OPCML: variants seen among roughly 807,000 people sequenced by gnomAD.
OPCML encodes the protein opioid binding protein/cell adhesion molecule like, also known as opioid-binding protein/cell adhesion molecule.
A neutral mutation model predicts 37.8 loss-of-function variants in OPCML; 13 were observed. The observed-to-expected ratio is 0.34, with a 90% CI of 0.22 to 0.55. OPCML has a LOEUF of 0.55. OPCML is among the 20% of genes least tolerant of loss of function. The pLI is 0.91. For synonymous variants in OPCML, 176 were observed against 168.8 expected (o/e 1.04, Z -0.33); for missense variants, 341 against 435.6 (o/e 0.78, Z 1.93).
intron 2 of OPCML, among the ~76,000 whole-genome samples, chr11:132,872,712 C>T (rs903334433): frequency 2.0e-5 from 3 of 152,138 alleles, no homozygotes; most frequent in Admixed American, 2.0e-4. Flanking sequence ...ATCTTAATTG[C>T]TTTTCTTCGG....
chr11:133,073,106 A>G (rs1265277617), intron 1 of OPCML, among the ~76,000 whole-genome samples: 1 of 152,142 alleles, frequency 6.6e-6, no homozygotes, highest in Non-Finnish European at 1.5e-5. Context: ...TACACCTCAG[A>G]ATTACCTGCC....
intron 1 of OPCML, among the ~76,000 whole-genome samples, chr11:133,504,438 A>G (rs1947984522): frequency 6.6e-6 from 1 of 152,192 alleles, no homozygotes; most frequent in Admixed American, 6.5e-5. Context: ...AAGCCAGAGA[A>G]AGAAGACTGC....
intron 1 of OPCML, among the ~76,000 whole-genome samples, chr11:133,266,218 C>T (rs977837177): frequency 6.6e-6 from 1 of 152,100 alleles, no homozygotes; most frequent in African/African-American, 2.4e-5. Flanking sequence ...GCTTCCAATG[C>T]TTCCCTCCTT....
chr11:132,815,885 G>A (rs1390943393), intron 2 of OPCML, among the ~76,000 whole-genome samples: 1 of 152,214 alleles, frequency 6.6e-6, no homozygotes, highest in Non-Finnish European at 1.5e-5. Context: ...AGAGAAATGT[G>A]TCTTGCTGCA....
intron 1 of OPCML, among the ~76,000 whole-genome samples, chr11:133,307,818 C>A (rs1051019894): frequency 7.2e-5 from 11 of 151,994 alleles, no homozygotes; most frequent in African/African-American, 7.2e-5. Flanking sequence ...GACAAGCAAC[C>A]AATCTTATTT....
chr11:133,488,422 T>C (rs925114911), intron 1 of OPCML, among the ~76,000 whole-genome samples: 2 of 152,114 alleles, frequency 1.3e-5, no homozygotes, highest in Admixed American at 6.6e-5. Flanking sequence ...AGTTTCAGGA[T>C]ACAAAATTAA....
At chr11:132,588,919 C>T (rs1286502707) in intron 3 of OPCML, among the ~76,000 whole-genome samples, 1 of 152,158 alleles carries the variant, frequency 6.6e-6, no homozygotes, top group Non-Finnish European at 1.5e-5. Flanking sequence ...CCAAGCAATG[C>T]AATCTAACAT....
intron 3 of OPCML, among the ~76,000 whole-genome samples, chr11:132,634,771 T>C (rs1252939319): frequency 6.6e-6 from 1 of 152,170 alleles, no homozygotes; most frequent in Non-Finnish European, 1.5e-5. Flanking sequence ...TGACCATAAG[T>C]TATCACTTAG....
intron 1 of OPCML, among the ~76,000 whole-genome samples, chr11:133,392,764 T>A (rs576549114): frequency 1.3e-5 from 2 of 152,360 alleles, no homozygotes; most frequent in African/African-American, 4.8e-5. Context: ...AGTCCATACA[T>A]TGCAAAATGT....
At chr11:133,494,750 T>G (rs1947745256) in intron 1 of OPCML, among the ~76,000 whole-genome samples, 2 of 132,990 alleles carry the variant, frequency 1.5e-5, no homozygotes, top group African/African-American at 3.4e-5. Context: ...AGGGATAGCA[T>G]TGGGAGATAT....
intron 2 of OPCML, among the ~76,000 whole-genome samples, chr11:132,672,533 G>A (rs1033101051): frequency 2.6e-5 from 4 of 152,250 alleles, no homozygotes; most frequent in Admixed American, 1.3e-4. Flanking sequence ...TGCTCTCTGT[G>A]TGTGGCTCCC....
chr11:133,116,234 T>C (rs1030980759), intron 1 of OPCML, among the ~76,000 whole-genome samples: 4 of 152,246 alleles, frequency 2.6e-5, no homozygotes, highest in Non-Finnish European at 4.4e-5. Context: ...CCCAAAGTGC[T>C]GAGATTACAG....
In OPCML at chr11:132,539,383, G is replaced by C. The variant is rs2096349664; in HGVS notation, c.380-10197C>G. Reference sequence around the variant, plus strand: ...AGTGACTGTGGATGAAGTGAAAATAGTGAATCTCAGGAACTAAGGCTGAAA... The same window carrying C: ...AGTGACTGTGGATGAAGTGAAAATACTGAATCTCAGGAACTAAGGCTGAAA... On this transcript the variant is annotated intron_variant, in intron 3 of 7. Transcript: ENST00000524381. Among the ~76,000 whole-genome samples, 3 of 152,330 alleles carry C rather than the reference G, an allele frequency of 2.0e-5. No homozygotes were observed. In the South Asian group the frequency reaches 6.2e-4, roughly 32 times the overall value.
At chr11:133,323,768 G>A (rs548877720) in intron 1 of OPCML, among the ~76,000 whole-genome samples, 4 of 152,324 alleles carry the variant, frequency 2.6e-5, no homozygotes, top group South Asian at 2.1e-4. Context: ...AATAAAGAAC[G>A]GAGTGGCCAC....
At chr11:133,420,706 G>A (rs1945868510) in intron 1 of OPCML, 6 of 985,264 alleles carry the variant, frequency 6.1e-6, no homozygotes, top group Non-Finnish European at 7.2e-6. Context: ...ACCCTAAATT[G>A]TCCAGTGGCA....
chr11:133,134,966 C>T (rs1428314297), intron 1 of OPCML, among the ~76,000 whole-genome samples: 1 of 152,154 alleles, frequency 6.6e-6, no homozygotes, highest in Non-Finnish European at 1.5e-5. Context: ...GGATATTGTT[C>T]TAGTGCACAT....
At chr11:132,706,760 C>T (rs571453815) in intron 2 of OPCML, among the ~76,000 whole-genome samples, 14 of 152,288 alleles carry the variant, frequency 9.2e-5, no homozygotes, top group Middle Eastern at 3.4e-3. Context: ...GTGTCTGACC[C>T]TGGTAAACTG....
intron 1 of OPCML, among the ~76,000 whole-genome samples, chr11:133,354,061 C>T (rs961874967): frequency 1.4e-4 from 22 of 152,062 alleles, no homozygotes; most frequent in African/African-American, 5.3e-4. Context: ...ATACTAAAGC[C>T]TAAAACCCAT....
intron 4 of OPCML, among the ~76,000 whole-genome samples, chr11:132,463,199 G>A (rs953331126): frequency 3.9e-5 from 6 of 152,058 alleles, no homozygotes; most frequent in African/African-American, 7.2e-5. Flanking sequence ...ATCATTTCAC[G>A]TCTTTCCCTC....
Sources: gnomAD v4.1 joint callset for allele counts (sites outside exome capture counted in the v4.1 genomes callset) on GRCh38, gnomAD v4.1.1 for gene constraint, MANE v1.5 for transcripts, NCBI Gene and HGNC (gene_info 2026-07-23, HGNC 2026-07-21) for gene names.